Variants in SASH1 observed in about 807,000 individuals in gnomAD.
The protein encoded by SASH1 is SAM and SH3 domain containing 1.
SASH1 carries 44 observed loss-of-function variants against 125.2 expected under a neutral mutation model. The observed-to-expected ratio is 0.35, with a 90% CI of 0.28 to 0.45. SASH1 has a LOEUF of 0.45. Among genes scored for constraint, SASH1 ranks in the 20% least tolerant of loss-of-function variants. The pLI is 1.00. For missense variants in SASH1, 1,426 were observed against 1,614.5 expected, an observed-to-expected ratio of 0.88 and a Z score of 2.00; for synonymous variants, 639 against 649.1, an observed-to-expected ratio of 0.98 and a Z score of 0.24.
chr6:148,389,578 G>A (rs1160582624), intron 1 of SASH1, among the ~76,000 whole-genome samples: 1 of 152,158 alleles, frequency 6.6e-6, no homozygotes, highest in South Asian at 2.1e-4. Context: ...CTCCTGAGAG[G>A]TGCAGTGAGA....
the SASH1 span, among the ~76,000 whole-genome samples, chr6:148,234,656 T>C: frequency 6.6e-6 from 1 of 151,824 alleles, no homozygotes; most frequent in Non-Finnish European, 1.5e-5. Flanking sequence ...GGAAACCCCA[T>C]CTCTATTAAA....
intron 1 of SASH1, among the ~76,000 whole-genome samples, chr6:148,326,409 C>CTTTTCTTTTT (rs1554235391): frequency 0.019 from 1,672 of 89,924 alleles, 65 homozygotes; most frequent in Middle Eastern, 0.055. Flanking sequence ...CTTTTCTTTT[C>CTTTTCTTTTT]TTTTCTTTTT....
rs947404547 is a variant in SASH1, at chr6:148,534,666, G to A, written c.1945-85G>A. The A allele has an allele frequency of 7.0e-6, 9 of 1,285,926 alleles. No homozygotes were observed. In the East Asian group the frequency reaches 2.1e-4, roughly 30 times the overall value. The allele number at this position is 1,285,926 out of a possible 1,614,324, so 79.7% of individuals were successfully genotyped here. A position where few individuals can be genotyped will look rare whatever the true frequency, so the allele number is the denominator to read the frequency against. On this transcript the variant is annotated intron_variant, in intron 15 of 19. Transcript: ENST00000367467. ...GCCTGAAGGTGACTATGGGAACAGT[G>A]TGTGGGTTGCAGGCTAGTTGTTGGC... is the stretch of plus-strand genomic sequence containing the variant.
chr6:148,384,561 C>T (rs901178236), intron 1 of SASH1, among the ~76,000 whole-genome samples: 2 of 152,032 alleles, frequency 1.3e-5, no homozygotes, highest in Non-Finnish European at 2.9e-5. Context: ...TGGCAGCATG[C>T]GATCCTATGG....
At chr6:148,391,403 C>T (rs1031101649) in intron 2 of SASH1, among the ~76,000 whole-genome samples, 15 of 146,042 alleles carry the variant, frequency 1.0e-4, no homozygotes, top group East Asian at 4.0e-4. Flanking sequence ...CCACCACGTC[C>T]GGCCTAAAGA....
intron 8 of SASH1, chr6:148,508,744 G>A (rs1779945000): frequency 1.6e-6 from 2 of 1,253,432 alleles, no homozygotes; most frequent in Non-Finnish European, 2.1e-6. Context: ...CATGTTCCAG[G>A]AGTGCCTAAT....
chr6:148,336,948 G>A (rs575647196), intron 1 of SASH1, among the ~76,000 whole-genome samples: 1 of 152,276 alleles, frequency 6.6e-6, no homozygotes, highest in African/African-American at 2.4e-5. Flanking sequence ...ATTACATTTC[G>A]TATGTTGACA....
intron 1 of SASH1, among the ~76,000 whole-genome samples, chr6:148,336,947 C>G (rs555382588): frequency 6.6e-6 from 1 of 152,298 alleles, no homozygotes; most frequent in East Asian, 1.9e-4. Context: ...AATTACATTT[C>G]GTATGTTGAC....
intron 2 of SASH1, among the ~76,000 whole-genome samples, chr6:148,401,053 T>G: frequency 6.6e-6 from 1 of 152,092 alleles, no homozygotes; most frequent in East Asian, 1.9e-4. Flanking sequence ...GAGACTGGCC[T>G]GGGCAACATG....
intron 8 of SASH1, chr6:148,512,524 G>T (rs1466919145): frequency 1.0e-6 from 1 of 985,260 alleles, no homozygotes; most frequent in Non-Finnish European, 1.2e-6. Context: ...TCCTCTGGTT[G>T]ACCGCTCCAA....
intron 2 of SASH1, among the ~76,000 whole-genome samples, chr6:148,435,157 T>TGGAGACCAGTCTGGCCA (rs1412415342): frequency 1.3e-5 from 2 of 152,052 alleles, no homozygotes; most frequent in East Asian, 1.9e-4. Flanking sequence ...GGTCGGAAGT[T>TGGAGACCAGTCTGGCCA]GGAGACCAGT....
chr6:148,337,715 G>A (rs145812658), intron 1 of SASH1, among the ~76,000 whole-genome samples: 202 of 152,246 alleles, frequency 1.3e-3, no homozygotes, highest in African/African-American at 4.5e-3. Flanking sequence ...CTGTACATAC[G>A]TGTGTATATG....
chr6:148,421,968 A>G (rs748740352), intron 2 of SASH1, among the ~76,000 whole-genome samples: 5 of 152,292 alleles, frequency 3.3e-5, no homozygotes, highest in Non-Finnish European at 7.3e-5. Flanking sequence ...CATTATCATA[A>G]TGTGGCACAT....
intron 1 of SASH1, among the ~76,000 whole-genome samples, chr6:148,299,452 T>A (rs1392561334): frequency 6.6e-6 from 1 of 151,938 alleles, no homozygotes; most frequent in East Asian, 1.9e-4. Flanking sequence ...GGATCACTTG[T>A]GGTCAGGAGT....
intron 9 of SASH1, among the ~76,000 whole-genome samples, chr6:148,515,984 G>A (rs1303431911): frequency 6.6e-6 from 1 of 152,136 alleles, no homozygotes; most frequent in African/African-American, 2.4e-5. Context: ...TGTTAAAGCA[G>A]CCTTTCCACT....
chr6:148,305,623 CAAA>C (rs59521298), intron 1 of SASH1, among the ~76,000 whole-genome samples: 22,622 of 103,254 alleles, frequency 0.22, 1,400 homozygotes, highest in East Asian at 0.31. Flanking sequence ...GACTCTGACT[CAAA>C]AAAAAAAAAA....
intron 1 of SASH1, among the ~76,000 whole-genome samples, chr6:148,381,800 T>C (rs929769963): frequency 6.6e-6 from 1 of 151,534 alleles, no homozygotes; most frequent in Non-Finnish European, 1.5e-5. Context: ...AGCTAAGTTT[T>C]GTAATTTTTT....
chr6:148,252,844 A>G, the SASH1 span, among the ~76,000 whole-genome samples: 2 of 152,152 alleles, frequency 1.3e-5, no homozygotes, highest in South Asian at 2.1e-4. Context: ...CATCAACCCT[A>G]TTTGGAACAC....
chr6:148,513,103 T>C (rs1172563697), intron 8 of SASH1: 1 of 985,338 alleles, frequency 1.0e-6, no homozygotes, highest in African/African-American at 1.7e-5. Flanking sequence ...TCTTGAGGTA[T>C]TCTCTGCAAC....
Sources: allele counts gnomAD v4.1 joint callset (sites outside exome capture counted in the v4.1 genomes callset), GRCh38; gene constraint gnomAD v4.1.1; transcripts MANE v1.5; gene names NCBI Gene and HGNC (gene_info 2026-07-23, HGNC 2026-07-21).